PRSS58: variants seen among roughly 807,000 people sequenced by gnomAD.
The protein encoded by PRSS58 is serine protease 58.
PRSS58 carries 31 observed loss-of-function variants against 25.0 expected under a neutral mutation model. The observed-to-expected ratio is 1.24, with a 90% CI of 0.93 to 1.67. The LOEUF (loss-of-function observed/expected upper bound fraction) is 1.67, where lower values mean the gene tolerates loss of function less well. Among genes scored for constraint, PRSS58 ranks in the 40% most tolerant of loss-of-function variants. PRSS58 has a pLI of 0.00. For missense variants in PRSS58, 324 were observed against 287.9 expected (o/e 1.13, Z -0.91); for synonymous variants, 119 against 106.1 (o/e 1.12, Z -0.75).
intron 4 of PRSS58, 136 bp from the exon 5 acceptor site, chr7:142,252,747 A>G: frequency 1.2e-6 from 1 of 861,300 alleles, no homozygotes. Context: ...TGTGGCAGTT[A>G]GGACAACGAG....
rs540403521 is a variant in PRSS58 at position 142,255,528 on chromosome 7, C to T, written c.179+7G>A. ...GAATGGAGTGCCTTTGAAGGCTTATCACTCACGGTAAATTGCAGTGTGCAG... is the reference window on the plus strand; with the variant it reads ...GAATGGAGTGCCTTTGAAGGCTTATTACTCACGGTAAATTGCAGTGTGCAG... On this transcript the variant is annotated splice_region_variant and intron_variant, in intron 3 of 5. Coordinates refer to ENST00000547058, the MANE Select transcript of PRSS58 (RefSeq NM_001001317.5). The T allele has an allele frequency of 6.2e-7, 1 of 1,614,014 alleles. No individual in the cohort carries two copies. The highest frequency in any genetic ancestry group is 1.7e-5 in the Admixed American group (1 of 59,990).
rs1798481502 is a variant in PRSS58 at position 142,252,343 on chromosome 7, T to C, written c.604A>G (p.Asn202Asp). 6 of 1,613,946 alleles carry C rather than the reference T, an allele frequency of 3.7e-6. No individual in the cohort carries two copies. The highest frequency in any genetic ancestry group is 5.1e-6 in the Non-Finnish European group (6 of 1,179,946). Residue 202 changes from asparagine (N) to aspartate (D), a missense_variant, in exon 6 of 6, where the codon AAT (asparagine) becomes GAT (aspartate). Asn to Asp is a conservative substitution (Grantham distance 23). Coordinates refer to ENST00000547058, the MANE Select transcript of PRSS58 (RefSeq NM_001001317.5). ...KEVSAAPAIC[N>D]GMLQGILSFA... ...GACAGGATTCCTTGAAGCATCCCAT[T>C]GCAGATTGCCGGGGCAGCAGAAACT...
rs772457208 is a variant in PRSS58, at chr7:142,257,694, A to G, written c.14T>C (p.Leu5Pro). The change falls in exon 2 of 6, where the codon CTC (leucine) becomes CCC (proline). Residue 5 changes from leucine (L) to proline (P), a missense_variant. Physicochemically the swap from Leu to Pro is moderately conservative, Grantham distance 98 (BLOSUM62 -3). Coordinates refer to ENST00000547058, the MANE Select transcript of PRSS58 (RefSeq NM_001001317.5). The part of the protein sequence containing the change: MKFI[L>P]LWALLNLTVA... ...AGTCAGATTCAAGAGAGCCCAGAGGAGGATAAACTTCATGATGATGTTGAA... is the reference window on the plus strand; with the variant it reads ...AGTCAGATTCAAGAGAGCCCAGAGGGGGATAAACTTCATGATGATGTTGAA... 1 of 1,613,286 alleles carries G rather than the reference A, an allele frequency of 6.2e-7. No homozygotes were observed. Among genetic ancestry groups the G allele is most frequent in the Non-Finnish European group, 8.5e-7 (1 of 1,179,360 alleles).
chr7:142,255,223 G>A lies in PRSS58; in HGVS notation c.268C>T (p.His90Tyr), dbSNP rs1372234547. 2 of 1,613,916 alleles carry A rather than the reference G, an allele frequency of 1.2e-6. No homozygotes were observed. Among genetic ancestry groups the A allele is most frequent in the East Asian group, 2.2e-5 (1 of 44,880 alleles). ...QVIGYEKMIH[H>Y]PHFSVTSIDH... ...ATAGAAGTGACTGAGAAGTGTGGAT[G>A]ATGAATCATCTTCTCATAGCCAATC... The change falls in exon 4 of 6, where the codon CAT becomes TAT. Residue 90 changes from histidine (H) to tyrosine (Y), a missense_variant. Transcript: ENST00000547058.
chr7:142,257,558 A>C, intron 2 of PRSS58, 110 bp downstream of exon 2: 1 of 944,350 alleles, frequency 1.1e-6, no homozygotes. Flanking sequence ...GGGACAGAGG[A>C]CCATCCTACA....
Position 142,257,705 on chromosome 7 carries a change from CATG to C in PRSS58, c.-1_2del. The C allele has an allele frequency of 6.2e-7, 1 of 1,612,900 alleles. No homozygotes were observed. Among genetic ancestry groups the C allele is most frequent in the Non-Finnish European group, 8.5e-7 (1 of 1,179,084 alleles). On this transcript the variant is annotated start_lost and start_retained_variant and 5_prime_UTR_variant, in exon 2 of 6. Coordinates refer to ENST00000547058, the MANE Select transcript of PRSS58 (RefSeq NM_001001317.5). ...AGAGAGCCCAGAGGAGGATAAACTT[CATG>C]ATGATGTTGAAAGCCCAGTTTAGCT...
chr7:142,255,607 G>T lies in PRSS58; in HGVS notation c.107C>A (p.Ser36Tyr). 6.2e-7 allele frequency: 1 copy of T among 1,614,096 alleles called. No individual in the cohort carries two copies. Among genetic ancestry groups the T allele is most frequent in the Non-Finnish European group, 8.5e-7 (1 of 1,179,956 alleles). The change falls in exon 3 of 6, where the codon TCT (serine) becomes TAT (tyrosine). Residue 36 changes from serine to tyrosine, a missense_variant. Coordinates refer to ENST00000547058, the MANE Select transcript of PRSS58 (RefSeq NM_001001317.5). ...GACTCCAGCGCAGGGCAAGTAGTCA[G>T]ATTTCAAATAGACCAAGTAAGGGGG... ...STPPYLVYLK[S>Y]DYLPCAGVLI...
At chr7:142,256,655 C>A (rs1445397002) in intron 2 of PRSS58, among the ~76,000 whole-genome samples, 1 of 152,054 alleles carries the variant, frequency 6.6e-6, no homozygotes, top group African/African-American at 2.4e-5. Context: ...GAGATGGAGT[C>A]TTGATATGTT....
intron 1 of PRSS58, 96 bp from the exon 2 acceptor site, chr7:142,257,844 T>C: frequency 1.4e-6 from 1 of 712,694 alleles, no homozygotes; most frequent in East Asian, 2.7e-5. Context: ...CAGGATTCAG[T>C]TTTAGAAATG....
intron 3 of PRSS58, 30 bp downstream of exon 3, chr7:142,255,505 A>G (rs1340170506): frequency 1.9e-6 from 3 of 1,613,834 alleles, no homozygotes; most frequent in South Asian, 1.1e-5. Flanking sequence ...AACCCAAAGA[A>G]TGGAGTGCCT....
At chr7:142,257,271 A>C in intron 2 of PRSS58, among the ~76,000 whole-genome samples, 1 of 152,170 alleles carries the variant, frequency 6.6e-6, no homozygotes, top group East Asian at 1.9e-4. Flanking sequence ...AACGTGGGGT[A>C]TGAGAGAAAG....
In PRSS58 at chr7:142,252,279, A is replaced by T. The variant is rs1231670629; in HGVS notation, c.668T>A (p.Ile223Asn). 4 of 1,614,026 alleles carry T rather than the reference A, an allele frequency of 2.5e-6. No homozygotes were observed. In the East Asian group the frequency reaches 6.7e-5, roughly 27 times the overall value. Residue 223 changes from isoleucine (I) to asparagine (N), a missense_variant, in exon 6 of 6, where the codon ATC becomes AAC. Transcript: ENST00000547058. ...DGCVLRADVG[I>N]YAKIFYYIPW... ...TATATAGTAAAAAATTTTGGCATAG[A>T]TGCCAACATCAGCTCTCAAAACACA...
chr7:142,252,450 T>G, intron 5 of PRSS58, 22 bp downstream of exon 5: 1 of 1,611,668 alleles, frequency 6.2e-7, no homozygotes, highest in Admixed American at 1.7e-5. Context: ...ATGGGAAAAT[T>G]AATGGATGAA....
Position 142,255,573 on chromosome 7 carries a change from G to C in PRSS58, c.141C>G (p.His47Gln), listed in dbSNP as rs746568015. The C allele has an allele frequency of 6.2e-7, 1 of 1,613,984 alleles. No homozygotes were observed. Among genetic ancestry groups the C allele is most frequent in the Non-Finnish European group, 8.5e-7 (1 of 1,180,000 alleles). ...DYLPCAGVLI[H>Q]PLWVITAAHC... ...GTGCAGCTGTGATCACCCAAAGCGG[G>C]TGGATCAGGACTCCAGCGCAGGGCA... Residue 47 changes from histidine to glutamine, a missense_variant, in exon 3 of 6, where the codon CAC (histidine) becomes CAG (glutamine). By Grantham distance (24) the His-to-Gln change is conservative. Coordinates refer to ENST00000547058, the MANE Select transcript of PRSS58 (RefSeq NM_001001317.5).
intron 2 of PRSS58, 43 bp downstream of exon 2, chr7:142,257,625 A>G: frequency 6.5e-7 from 1 of 1,543,592 alleles, no homozygotes; most frequent in Non-Finnish European, 9.0e-7. Flanking sequence ...TTTTCCCAGG[A>G]TTTCTCTTTG....
At position 142,252,312 on chromosome 7, in the gene PRSS58, G is replaced by A. The variant is rs780869245; in HGVS notation, c.635C>T (p.Ala212Val). ...NGMLQGILSF[A>V]DGCVLRADVG... Reference sequence around the variant, plus strand: ...ATCAGCTCTCAAAACACATCCATCCGCAAAAGACAGGATTCCTTGAAGCAT... The same window carrying A: ...ATCAGCTCTCAAAACACATCCATCCACAAAAGACAGGATTCCTTGAAGCAT... Residue 212 changes from alanine (A) to valine (V), a missense_variant, in exon 6 of 6, where the codon GCG becomes GTG. Coordinates refer to ENST00000547058, the MANE Select transcript of PRSS58 (RefSeq NM_001001317.5). 1.0e-4 allele frequency: 167 copies of A among 1,613,944 alleles called. No individual in the cohort carries two copies. The highest frequency in any genetic ancestry group is 1.3e-4 in the Non-Finnish European group (156 of 1,180,006).
Position 142,252,414 on chromosome 7 carries a change from C to A in PRSS58, c.577-44G>T, listed in dbSNP as rs755808296. On this transcript the variant is annotated intron_variant, in intron 5 of 5. Coordinates refer to ENST00000547058, the MANE Select transcript of PRSS58 (RefSeq NM_001001317.5). ...TAACAACAACAAAAAAGCAGATTAT[C>A]TTTCTGGCAAGACAGAAGGAAGAAA... The A allele has an allele frequency of 5.2e-5, 84 of 1,610,946 alleles. No homozygotes were observed. The East Asian group carries it at 1.9e-3, about 36-fold the overall frequency.
At chr7:142,255,369 T>G in intron 3 of PRSS58, 58 bp from the exon 4 acceptor site, 2 of 1,590,848 alleles carry the variant, frequency 1.3e-6, no homozygotes, top group Non-Finnish European at 1.7e-6. Context: ...TCCATCATTA[T>G]GAGCCTCTAT....
At chr7:142,256,450 G>A (rs549957512) in intron 2 of PRSS58, among the ~76,000 whole-genome samples, 1 of 151,924 alleles carries the variant, frequency 6.6e-6, no homozygotes, top group African/African-American at 2.4e-5. Context: ...GAGAAGGAGG[G>A]GTTTCAGGCA....
Sources: allele counts gnomAD v4.1 joint callset (sites outside exome capture counted in the v4.1 genomes callset), GRCh38; gene constraint gnomAD v4.1.1; transcripts MANE v1.5; gene names NCBI Gene and HGNC (gene_info 2026-07-23, HGNC 2026-07-21).